Variants in TNKS2 observed in about 807,000 individuals in gnomAD.
The protein encoded by TNKS2 is tankyrase 2.
TNKS2 carries 72 observed loss-of-function variants against 137.6 expected under a neutral mutation model. The observed-to-expected ratio is 0.52, with a 90% CI of 0.43 to 0.64. The LOEUF (loss-of-function observed/expected upper bound fraction) is 0.64, where lower values mean the gene tolerates loss of function less well. Ranked by LOEUF, TNKS2 falls within the 30% of genes least tolerant of loss-of-function variation. TNKS2 has a pLI of 0.00. For missense variants in TNKS2, 1,049 were observed against 1,410.2 expected (o/e 0.74, Z 4.10); for synonymous variants, 516 against 512.1 (o/e 1.01, Z -0.10).
intron 1 of TNKS2, chr10:91,807,376 G>C (rs1228198057): frequency 3.7e-6 from 6 of 1,613,918 alleles, no homozygotes; most frequent in Non-Finnish European, 3.4e-6. Flanking sequence ...GCCTTCATAG[G>C]GTCAGCGAGG....
At chr10:91,821,483 C>T (rs1474024385) in intron 6 of TNKS2, among the ~76,000 whole-genome samples, 1 of 152,022 alleles carries the variant, frequency 6.6e-6, no homozygotes. Context: ...ACTCATAGAA[C>T]TAAAGACTAA....
In TNKS2 at chr10:91,834,035, C is replaced by T; in HGVS notation, c.1447+11C>T. The T allele has an allele frequency of 6.6e-7, 1 of 1,515,480 alleles. No individual in the cohort carries two copies. Among genetic ancestry groups the T allele is most frequent in the Non-Finnish European group, 8.8e-7 (1 of 1,130,094 alleles). The allele number at this position is 1,515,480 out of a possible 1,614,324, so 93.9% of individuals were successfully genotyped here. On this transcript the variant is annotated intron_variant, in intron 12 of 26. Coordinates refer to ENST00000371627, the MANE Select transcript of TNKS2 (RefSeq NM_025235.4). ...AGCAACTCCTCCAAGGTATTACATG[C>T]TTCAATGAAATTGATTTTTTTAAAT...
chr10:91,864,888 T>A lies in TNKS2; in HGVS notation c.*1889T>A, dbSNP rs1279117425. On this transcript the variant is annotated 3_prime_UTR_variant, in exon 27 of 27. Transcript: ENST00000371627. ...ATATTACTCACCCTATGAGTGAATC[T>A]GGAATTGCTTTTCATGTGAAATCAT... 1 of 152,648 alleles carries A rather than the reference T, an allele frequency of 6.6e-6. No homozygotes were observed. The highest frequency in any genetic ancestry group is 1.5e-5 in the Non-Finnish European group (1 of 68,042). 9.5% of individuals were successfully genotyped at this position (152,648 alleles called of 1,614,324 possible). A position where few individuals can be genotyped will look rare whatever the true frequency, so the allele number is the denominator to read the frequency against.
In TNKS2 at chr10:91,827,219, T is replaced by C. The variant is rs779637935; in HGVS notation, c.982+16T>C. On this transcript the variant is annotated intron_variant, in intron 8 of 26. Transcript: ENST00000371627. ...AGATTAGCATGTGAGTATAAAATTA[T>C]GAATGTTCAGGTAGGATATTATATC... 1.3e-6 allele frequency: 2 copies of C among 1,499,022 alleles called. No homozygotes were observed. The highest frequency in any genetic ancestry group is 1.4e-5 in the South Asian group (1 of 72,560). The allele number at this position is 1,499,022 out of a possible 1,614,324, so 92.9% of individuals were successfully genotyped here.
chr10:91,819,246 C>CTTT (rs34501124), intron 3 of TNKS2, 24 bp from the exon 4 acceptor site: 774 of 1,105,104 alleles, frequency 7.0e-4, no homozygotes, highest in South Asian at 2.6e-3. Flanking sequence ...AATTTCTATA[C>CTTT]TTTTTTTTTT....
chr10:91,844,349 G>C (rs1454194213), intron 16 of TNKS2, among the ~76,000 whole-genome samples: 1 of 152,098 alleles, frequency 6.6e-6, no homozygotes, highest in Admixed American at 6.5e-5. Context: ...AACTATAATA[G>C]AAATAAGTTT....
chr10:91,798,854 C>T lies in TNKS2; in HGVS notation c.164C>T (p.Ala55Val). Residue 55 changes from alanine to valine, a missense_variant, in exon 1 of 27, where the codon GCG becomes GTG. This residue lies in a region of TNKS2 where 374 missense variants were observed against 460.8 expected (regional missense o/e 0.81). Coordinates refer to ENST00000371627, the MANE Select transcript of TNKS2 (RefSeq NM_025235.4). ...TPEKVNSRDT[A>V]GRKSTPLHFA... Reference sequence around the variant, plus strand: ...GAGAAGGTGAACAGCCGCGACACGGCGGGCAGGAAATCCACCCCGCTGCAC... The same window carrying T: ...GAGAAGGTGAACAGCCGCGACACGGTGGGCAGGAAATCCACCCCGCTGCAC... 1.5e-6 allele frequency: 2 copies of T among 1,361,690 alleles called. No homozygotes were observed. Among genetic ancestry groups the T allele is most frequent in the Non-Finnish European group, 9.5e-7 (1 of 1,049,260 alleles). The allele number at this position is 1,361,690 out of a possible 1,614,324, so 84.4% of individuals were successfully genotyped here.
rs1333739324 is a variant in TNKS2 at position 91,864,229 on chromosome 10, T to C, written c.*1230T>C. On this transcript the variant is annotated 3_prime_UTR_variant, in exon 27 of 27. Coordinates refer to ENST00000371627, the MANE Select transcript of TNKS2 (RefSeq NM_025235.4). ...ATGATGTTATGCCCAATTGGAAATA[T>C]GCTGTCAGTTTGTGCACCATATGGT... 1 of 152,616 alleles carries C rather than the reference T, an allele frequency of 6.6e-6. No individual in the cohort carries two copies. Among genetic ancestry groups the C allele is most frequent in the Non-Finnish European group, 1.5e-5 (1 of 68,036 alleles). The allele number at this position is 152,616 out of a possible 1,614,324, so 9.5% of individuals were successfully genotyped here. A position where few individuals can be genotyped will look rare whatever the true frequency, so the allele number is the denominator to read the frequency against.
chr10:91,826,159 A>G (rs141822767), intron 7 of TNKS2, among the ~76,000 whole-genome samples: 2 of 152,338 alleles, frequency 1.3e-5, no homozygotes, highest in African/African-American at 2.4e-5. Flanking sequence ...TTTCATATAC[A>G]CCTTATACAC....
chr10:91,825,185 G>A (rs2185596), intron 7 of TNKS2, among the ~76,000 whole-genome samples: 27,475 of 151,742 alleles, frequency 0.18, 3,564 homozygotes, highest in African/African-American at 0.36. Context: ...CATTGCAGCC[G>A]CAACCTTCCC....
In TNKS2 at chr10:91,862,015, C is replaced by G; in HGVS notation, c.3298C>G (p.Arg1100Gly). 1 of 1,607,652 alleles carries G rather than the reference C, an allele frequency of 6.2e-7. No individual in the cohort carries two copies. Among genetic ancestry groups the G allele is most frequent in the Non-Finnish European group, 8.5e-7 (1 of 1,177,090 alleles). Residue 1100 changes from arginine (R) to glycine (G), a missense_variant, in exon 26 of 27, where the codon CGG becomes GGG. Transcript: ENST00000371627. ...YICHRQLLFC[R>G]VTLGKSFLQF... ...GTTTTATAGGCAGCTGCTCTTTTGC[C>G]GGGTAACCTTGGGAAAGTCTTTCCT...
At chr10:91,850,929 G>C (rs1003952213) in intron 20 of TNKS2, among the ~76,000 whole-genome samples, 5 of 152,172 alleles carry the variant, frequency 3.3e-5, no homozygotes, top group African/African-American at 1.2e-4. Context: ...AGACTCAGCA[G>C]GAACCATTGA....
rs1438258963 is a variant in TNKS2 at position 91,813,077 on chromosome 10, A to G, written c.294A>G (p.Ala98=). The change falls in exon 2 of 27, where the codon GCA becomes GCG. Residue 98 remains alanine, a synonymous_variant. Transcript: ENST00000371627. ...GGGGCCTTATTCCTCTTCATAATGC[A>G]TGCTCTTTTGGTCATGCTGAAGTAG... ...DDGGLIPLHN[A]CSFGHAEVVN... is the part of the protein sequence containing the mutation. 6 of 1,614,178 alleles carry G rather than the reference A, an allele frequency of 3.7e-6. No homozygotes were observed. Among genetic ancestry groups the G allele is most frequent in the South Asian group, 1.1e-5 (1 of 91,086 alleles).
chr10:91,813,314 T>C (rs1844569143), intron 2 of TNKS2, 107 bp downstream of exon 2: 1 of 967,864 alleles, frequency 1.0e-6, no homozygotes, highest in African/African-American at 1.6e-5. Flanking sequence ...AATTTAAATA[T>C]TTAAGAACAT....
At chr10:91,833,804 T>C (rs745874515) in intron 11 of TNKS2, 49 bp from the exon 12 acceptor site, 2 of 1,459,330 alleles carry the variant, frequency 1.4e-6, no homozygotes, top group Non-Finnish European at 1.8e-6. Flanking sequence ...ATTGTATGGT[T>C]TTAAATTTTG....
chr10:91,809,538 C>T (rs1209564669), intron 1 of TNKS2, among the ~76,000 whole-genome samples: 2 of 151,784 alleles, frequency 1.3e-5, no homozygotes, highest in African/African-American at 4.8e-5. Flanking sequence ...TGGTGGCGGG[C>T]GCCTGTAGTC....
In TNKS2 at chr10:91,859,690, A is replaced by G. The variant is rs749467793; in HGVS notation, c.3281+42A>G. On this transcript the variant is annotated intron_variant, in intron 25 of 26. Transcript: ENST00000371627. ...TCTCATTTATTTTGGTGGTAATCAGATAAGAACTAGTTGCATTTTTGAGGG... is the reference window on the plus strand; with the variant it reads ...TCTCATTTATTTTGGTGGTAATCAGGTAAGAACTAGTTGCATTTTTGAGGG... 71 of 1,551,432 alleles carry G rather than the reference A, an allele frequency of 4.6e-5. No individual in the cohort carries two copies. The African/African-American group carries it at 6.7e-4, about 15-fold the overall frequency.
At chr10:91,816,432 G>A (rs1427482798) in intron 2 of TNKS2, among the ~76,000 whole-genome samples, 1 of 152,086 alleles carries the variant, frequency 6.6e-6, no homozygotes, top group African/African-American at 2.4e-5. Context: ...AAGAAAAATT[G>A]TCCTTGTAAG....
In TNKS2 at chr10:91,857,587, G is replaced by A. The variant is rs1221975028; in HGVS notation, c.3094+57G>A. ...TCTTCCACATTAGGATAGTTTTTTT[G>A]TTCAGATATGAAATAATAATAAGCC... On this transcript the variant is annotated intron_variant, in intron 24 of 26. Coordinates refer to ENST00000371627, the MANE Select transcript of TNKS2 (RefSeq NM_025235.4). 20 of 1,152,930 alleles carry A rather than the reference G, an allele frequency of 1.7e-5. No homozygotes were observed. The African/African-American group carries it at 3.1e-4, about 18-fold the overall frequency. 71.4% of individuals were successfully genotyped at this position (1,152,930 alleles called of 1,614,324 possible). A position where few individuals can be genotyped will look rare whatever the true frequency, so the allele number is the denominator to read the frequency against.
Sources: allele counts gnomAD v4.1 joint callset (sites outside exome capture counted in the v4.1 genomes callset), GRCh38; gene constraint gnomAD v4.1.1; regional missense constraint gnomAD v4.1.1; transcripts MANE v1.5; gene names NCBI Gene and HGNC (gene_info 2026-07-23, HGNC 2026-07-21).